Variants in PKNOX2 observed in about 807,000 individuals in gnomAD.
The protein encoded by PKNOX2 is PBX/knotted 1 homeobox 2, also known as homeobox protein PKNOX2.
In PKNOX2, 14 loss-of-function variants were observed where a neutral mutation model predicts 53.1. The observed-to-expected ratio is 0.26, with a 90% CI of 0.17 to 0.41. The LOEUF is 0.41. PKNOX2 is among the 10% of genes least tolerant of loss of function. The pLI, the probability that PKNOX2 is intolerant of heterozygous loss-of-function variation, is 1.00. For missense variants in PKNOX2, 496 were observed against 602.8 expected, an observed-to-expected ratio of 0.82 and a Z score of 1.85; for synonymous variants, 257 against 242.8, an observed-to-expected ratio of 1.06 and a Z score of -0.54.
At chr11:125,335,826 C>A (rs1400124670) in intron 3 of PKNOX2, among the ~76,000 whole-genome samples, 2 of 151,870 alleles carry the variant, frequency 1.3e-5, no homozygotes, top group African/African-American at 4.8e-5. Flanking sequence ...CTCTAAAAAA[C>A]AAACAAGCAA....
intron 2 of PKNOX2, among the ~76,000 whole-genome samples, chr11:125,317,063 C>G (rs555975004): frequency 6.6e-6 from 1 of 152,320 alleles, no homozygotes; most frequent in African/African-American, 2.4e-5. Flanking sequence ...GGAGGAGATT[C>G]CATCTCAGAA....
chr11:125,397,606 A>T lies in PKNOX2; in HGVS notation c.400-268A>T, dbSNP rs78017138. 6.0e-3 allele frequency among the ~76,000 whole-genome samples: 912 copies of T among 152,336 alleles called. 7 individuals carry two copies. Among genetic ancestry groups the T allele is most frequent in the African/African-American group, 0.021 (880 of 41,570 alleles). ...CGCTAAGGCCAATGCTGTTCTCAGA[A>T]TACCACAACTGCCTCAAGAACAGCT... On this transcript the variant is annotated intron_variant, in intron 6 of 12. Coordinates refer to ENST00000298282, the MANE Select transcript of PKNOX2 (RefSeq NM_001382323.2).
intron 5 of PKNOX2, among the ~76,000 whole-genome samples, chr11:125,383,408 G>C (rs915474318): frequency 2.1e-5 from 3 of 143,194 alleles, no homozygotes; most frequent in Non-Finnish European, 4.5e-5. Flanking sequence ...TCACAGTTTA[G>C]ACCAGCCTGG....
intron 4 of PKNOX2, among the ~76,000 whole-genome samples, chr11:125,353,695 C>T (rs545767647): frequency 6.6e-6 from 1 of 152,340 alleles, no homozygotes; most frequent in African/African-American, 2.4e-5. Context: ...ATAATTTGCC[C>T]TGGGGAAGCT....
At chr11:125,397,779 G>A in intron 6 of PKNOX2, 95 bp from the exon 7 acceptor site, 1 of 1,286,184 alleles carries the variant, frequency 7.8e-7, no homozygotes, top group African/African-American at 1.5e-5. Flanking sequence ...GCAGGGGGTG[G>A]GCTCCCCTCC....
At chr11:125,324,294 A>T (rs965362596) in intron 2 of PKNOX2, among the ~76,000 whole-genome samples, 1 of 152,206 alleles carries the variant, frequency 6.6e-6, no homozygotes, top group African/African-American at 2.4e-5. Context: ...TAGGACTAAT[A>T]ATAACTACTT....
At position 125,206,148 on chromosome 11, in the gene PKNOX2, A is replaced by G. The variant is rs527591273; in HGVS notation, c.-200-28897A>G. On this transcript the variant is annotated intron_variant, in intron 1 of 12. Transcript: ENST00000298282. Reference sequence around the variant, plus strand: ...CTCTGCAGGCGCACAGACAAAGGAGACAGAGTCCCCACCCTCGAGGAGCCT... The same window carrying G: ...CTCTGCAGGCGCACAGACAAAGGAGGCAGAGTCCCCACCCTCGAGGAGCCT... Among the ~76,000 whole-genome samples the G allele has an allele frequency of 2.6e-3, 397 of 152,066 alleles. 6 individuals are homozygous for G. The highest frequency in any genetic ancestry group is 0.014 in the Middle Eastern group (4 of 292).
intron 2 of PKNOX2, among the ~76,000 whole-genome samples, chr11:125,246,750 A>G (rs994862219): frequency 1.3e-5 from 2 of 152,160 alleles, no homozygotes; most frequent in East Asian, 1.9e-4. Context: ...TCAAGACATC[A>G]CTGTGCATTT....
chr11:125,178,913 C>T (rs1420433963), intron 1 of PKNOX2, among the ~76,000 whole-genome samples: 1 of 152,108 alleles, frequency 6.6e-6, no homozygotes, highest in East Asian at 1.9e-4. Context: ...TACAGTAATT[C>T]TCAACTCAGG....
chr11:125,383,529 A>G (rs1044259209), intron 5 of PKNOX2, among the ~76,000 whole-genome samples: 6 of 151,750 alleles, frequency 4.0e-5, no homozygotes, highest in Admixed American at 6.6e-5. Flanking sequence ...AGGCAAGAGG[A>G]TCACTTGAAC....
intron 2 of PKNOX2, among the ~76,000 whole-genome samples, chr11:125,239,893 T>G (rs1478992097): frequency 6.6e-6 from 1 of 152,216 alleles, no homozygotes; most frequent in East Asian, 1.9e-4. Context: ...TTAATTGGTG[T>G]GATTTAATGG....
At chr11:125,302,093 A>T (rs895034035) in intron 2 of PKNOX2, among the ~76,000 whole-genome samples, 1 of 152,194 alleles carries the variant, frequency 6.6e-6, no homozygotes, top group African/African-American at 2.4e-5. Flanking sequence ...TCCTGAGTCC[A>T]TGGAGGGGCT....
At chr11:125,178,645 A>AGAAAGAAAGAAAGAAGGAAGGAAGGAAG (rs771497235) in intron 1 of PKNOX2, among the ~76,000 whole-genome samples, 5 of 28,594 alleles carry the variant, frequency 1.7e-4, no homozygotes, top group Non-Finnish European at 2.5e-4. Context: ...AAAGAAAGAA[A>AGAAAGAAAGAAAGAAGGAAGGAAGGAAG]GAAGGAAGGA....
At chr11:125,394,737 T>A (rs1033989530) in intron 6 of PKNOX2, among the ~76,000 whole-genome samples, 2 of 151,470 alleles carry the variant, frequency 1.3e-5, no homozygotes, top group African/African-American at 4.9e-5. Context: ...TAAAAAGAGA[T>A]CCCATATATT....
At chr11:125,322,414 T>A (rs7107413) in intron 2 of PKNOX2, among the ~76,000 whole-genome samples, 4,428 of 152,242 alleles carry the variant, frequency 0.029, 163 homozygotes, top group East Asian at 0.18. Flanking sequence ...CTGCCTGTCC[T>A]CTTCATCATT....
intron 2 of PKNOX2, among the ~76,000 whole-genome samples, chr11:125,326,687 T>A (rs1277213540): frequency 6.6e-6 from 1 of 152,170 alleles, no homozygotes; most frequent in Non-Finnish European, 1.5e-5. Context: ...CAGTTGAATT[T>A]AACAGCCGAT....
intron 2 of PKNOX2, among the ~76,000 whole-genome samples, chr11:125,274,547 CTG>C (rs1591508387): frequency 6.6e-6 from 1 of 152,222 alleles, no homozygotes; most frequent in Non-Finnish European, 1.5e-5. Context: ...AGAGAACAAA[CTG>C]TGCAGCAGCC....
chr11:125,189,439 GTGTGTGTGTATATATATATATATA>G (rs1489319717), intron 1 of PKNOX2, among the ~76,000 whole-genome samples: 5 of 56,762 alleles, frequency 8.8e-5, no homozygotes, highest in African/African-American at 3.9e-4. Flanking sequence ...GTGTGTGTGT[GTGTGTGTGTATATATATATATATA>G]TATATATATA....
intron 1 of PKNOX2, among the ~76,000 whole-genome samples, chr11:125,195,883 G>GCACGCACA (rs1190771243): frequency 3.7e-4 from 53 of 143,800 alleles, no homozygotes; most frequent in African/African-American, 1.3e-3. Context: ...ATATGTACAT[G>GCACGCACA]CACACACACA....
Sources: gnomAD v4.1 joint callset for allele counts (sites outside exome capture counted in the v4.1 genomes callset) on GRCh38, gnomAD v4.1.1 for gene constraint, MANE v1.5 for transcripts, NCBI Gene and HGNC (gene_info 2026-07-23, HGNC 2026-07-21) for gene names.